Variants in LINGO2 observed in about 807,000 individuals in gnomAD.
The protein encoded by LINGO2 is leucine rich repeat and Ig domain containing 2, also known as leucine-rich repeat and immunoglobulin-like domain-containing nogo receptor-interacting protein 2.
LINGO2 carries 14 observed loss-of-function variants against 30.6 expected under a neutral mutation model. The ratio of observed to expected loss-of-function variants is 0.46; its 90% CI spans 0.30 to 0.72. LINGO2 has a LOEUF of 0.72. LINGO2 is among the 30% of genes least tolerant of loss of function. LINGO2 has a pLI of 0.07. For synonymous variants in LINGO2, 317 were observed against 288.5 expected, an observed-to-expected ratio of 1.10 and a Z score of -1.00; for missense variants, 729 against 751.7, an observed-to-expected ratio of 0.97 and a Z score of 0.35.
chr9:28,682,016 G>A, the LINGO2 span, among the ~76,000 whole-genome samples: 1 of 152,128 alleles, frequency 6.6e-6, no homozygotes, highest in African/African-American at 2.4e-5. Flanking sequence ...TGAAATGGCA[G>A]CAGAACTTTG....
intron 4 of LINGO2, among the ~76,000 whole-genome samples, chr9:28,135,510 C>T (rs773996621): frequency 6.6e-6 from 1 of 151,452 alleles, no homozygotes; most frequent in Non-Finnish European, 1.5e-5. Flanking sequence ...CTAGTATCTA[C>T]TCAATAATAA....
At chr9:28,780,303 C>A in the LINGO2 span, among the ~76,000 whole-genome samples, 1 of 151,990 alleles carries the variant, frequency 6.6e-6, no homozygotes, top group African/African-American at 2.4e-5. Flanking sequence ...AATATTTGAG[C>A]CTATTCATTG....
intron 2 of LINGO2, among the ~76,000 whole-genome samples, chr9:28,459,512 C>A (rs1255956953): frequency 6.6e-6 from 1 of 151,078 alleles, no homozygotes; most frequent in Non-Finnish European, 1.5e-5. Flanking sequence ...AAAAAAAAGT[C>A]TATTTTCCTC....
chr9:28,055,901 C>G (rs961985479), intron 4 of LINGO2, among the ~76,000 whole-genome samples: 4 of 152,150 alleles, frequency 2.6e-5, no homozygotes, highest in Non-Finnish European at 5.9e-5. Flanking sequence ...TGGCTGATTA[C>G]CACGATTACT....
At chr9:28,781,438 G>A in the LINGO2 span, among the ~76,000 whole-genome samples, 3 of 152,110 alleles carry the variant, frequency 2.0e-5, no homozygotes, top group Admixed American at 6.6e-5. Context: ...AAGATAGCAC[G>A]CTGAAAATTT....
the LINGO2 span, among the ~76,000 whole-genome samples, chr9:28,693,718 C>A: frequency 1.3e-5 from 2 of 152,032 alleles, no homozygotes; most frequent in African/African-American, 4.8e-5. Flanking sequence ...ATCAATAGCC[C>A]TTTTAGAACC....
the LINGO2 span, among the ~76,000 whole-genome samples, chr9:28,998,149 T>G: frequency 6.6e-6 from 1 of 152,218 alleles, no homozygotes; most frequent in Non-Finnish European, 1.5e-5. Flanking sequence ...AGACATTATT[T>G]TGAGGATATT....
the LINGO2 span, among the ~76,000 whole-genome samples, chr9:28,797,489 G>T: frequency 6.7e-6 from 1 of 150,014 alleles, no homozygotes. Flanking sequence ...TTAGATATTG[G>T]ATGTATTCTT....
chr9:28,878,088 T>TA, the LINGO2 span, among the ~76,000 whole-genome samples: 2 of 151,928 alleles, frequency 1.3e-5, no homozygotes, highest in African/African-American at 4.8e-5. Context: ...GATAGACCAC[T>TA]AGCAAGACTA....
intron 4 of LINGO2, among the ~76,000 whole-genome samples, chr9:28,237,679 C>G (rs1461353179): frequency 6.6e-6 from 1 of 151,932 alleles, no homozygotes; most frequent in Admixed American, 6.6e-5. Flanking sequence ...GTGGCAAAAC[C>G]CCAGCTCTAC....
the LINGO2 span, among the ~76,000 whole-genome samples, chr9:28,884,386 C>A: frequency 1.3e-5 from 2 of 151,930 alleles, no homozygotes; most frequent in South Asian, 2.1e-4. Context: ...CTGATCAGCA[C>A]GAAATAATCA....
the LINGO2 span, among the ~76,000 whole-genome samples, chr9:29,074,210 A>T: frequency 1.3e-5 from 2 of 152,190 alleles, no homozygotes; most frequent in African/African-American, 4.8e-5. Context: ...ATTTTGATAA[A>T]TCTACATAAA....
the LINGO2 span, among the ~76,000 whole-genome samples, chr9:29,080,637 T>A: frequency 4.6e-4 from 70 of 152,252 alleles, no homozygotes; most frequent in African/African-American, 1.6e-3. Context: ...GATTCTGGTA[T>A]GTTGTGTCTT....
chr9:28,636,697 C>G (rs62548202), intron 1 of LINGO2, among the ~76,000 whole-genome samples: 15,112 of 151,932 alleles, frequency 0.099, 1,053 homozygotes, highest in Admixed American at 0.24. Context: ...ATTTGTTTGA[C>G]TTCTTTGTAG....
chr9:27,996,310 T>C (rs908994756), intron 5 of LINGO2, among the ~76,000 whole-genome samples: 2 of 152,148 alleles, frequency 1.3e-5, no homozygotes, highest in African/African-American at 4.8e-5. Context: ...AGAAAATCAA[T>C]GTTTTAGAGA....
the LINGO2 span, among the ~76,000 whole-genome samples, chr9:28,713,210 A>G: frequency 2.0e-5 from 3 of 152,110 alleles, no homozygotes; most frequent in Non-Finnish European, 4.4e-5. Flanking sequence ...TTAGGCTTCA[A>G]TATATTTTAT....
At chr9:28,724,284 C>T in the LINGO2 span, among the ~76,000 whole-genome samples, 1 of 152,144 alleles carries the variant, frequency 6.6e-6, no homozygotes, top group African/African-American at 2.4e-5. Flanking sequence ...CCATGAGACA[C>T]ACTATGTTGT....
chr9:29,064,022 T>A, the LINGO2 span, among the ~76,000 whole-genome samples: 284 of 152,276 alleles, frequency 1.9e-3, 2 homozygotes, highest in Non-Finnish European at 2.8e-3. Context: ...ATGACTTAAT[T>A]AGAAGCTTCA....
chr9:28,377,306 T>C (rs1488550300), intron 2 of LINGO2, among the ~76,000 whole-genome samples: 1 of 152,198 alleles, frequency 6.6e-6, no homozygotes, highest in East Asian at 1.9e-4. Context: ...GATGAAGACC[T>C]TTATGATGGT....
Sources: gnomAD v4.1 joint callset for allele counts (sites outside exome capture counted in the v4.1 genomes callset) on GRCh38, gnomAD v4.1.1 for gene constraint, MANE v1.5 for transcripts, NCBI Gene and HGNC (gene_info 2026-07-23, HGNC 2026-07-21) for gene names.